The following PHACTR3 variants were observed in gnomAD, a reference collection of about 807,000 sequenced individuals.
PHACTR3 encodes the protein protein phosphatase 1, regulatory subunit 123.
PHACTR3 carries 16 observed loss-of-function variants against 66.8 expected under a neutral mutation model. The observed-to-expected ratio is 0.24, with a 90% CI of 0.16 to 0.36. The LOEUF (loss-of-function observed/expected upper bound fraction) is 0.36. Ranked by LOEUF, PHACTR3 falls within the 10% of genes least tolerant of loss-of-function variation. The probability of loss-of-function intolerance (pLI) is 1.00; values close to 1 mark genes in which losing one functional copy is unlikely to be tolerated. For synonymous variants in PHACTR3, 323 were observed against 292.1 expected (o/e 1.11, Z -1.08); for missense variants, 647 against 719.9 (o/e 0.90, Z 1.16).
At chr20:59,793,286 C>T (rs1206557869) in intron 7 of PHACTR3, among the ~76,000 whole-genome samples, 1 of 152,102 alleles carries the variant, frequency 6.6e-6, no homozygotes, top group Non-Finnish European at 1.5e-5. Context: ...GGCTCCATAC[C>T]AATTTTAGAT....
chr20:59,684,192 A>T (rs1175890071), intron 1 of PHACTR3, among the ~76,000 whole-genome samples: 1 of 152,182 alleles, frequency 6.6e-6, no homozygotes, highest in African/African-American at 2.4e-5. Flanking sequence ...TGGGGCTCAT[A>T]TCTTTTAAAT....
upstream of PHACTR3, chr20:59,603,944 C>G (rs2033562346): frequency 6.6e-6 from 1 of 152,296 alleles, no homozygotes; most frequent in African/African-American, 2.4e-5. Flanking sequence ...GAGGACACCT[C>G]TGTGAGTGGC....
intron 8 of PHACTR3, among the ~76,000 whole-genome samples, chr20:59,834,505 TC>T (rs1369689212): frequency 6.6e-6 from 1 of 152,196 alleles, no homozygotes; most frequent in Non-Finnish European, 1.5e-5. Flanking sequence ...TAATTCCTTC[TC>T]CAAGACCCTT....
At chr20:59,617,939 A>G (rs1314511392) in intron 1 of PHACTR3, among the ~76,000 whole-genome samples, 2 of 152,110 alleles carry the variant, frequency 1.3e-5, no homozygotes, top group Non-Finnish European at 2.9e-5. Context: ...CTGGTGAGTG[A>G]TGGGCTTGGA....
chr20:59,647,593 C>T, intron 1 of PHACTR3, among the ~76,000 whole-genome samples: 1 of 152,134 alleles, frequency 6.6e-6, no homozygotes, highest in South Asian at 2.1e-4. Flanking sequence ...CACATCTTTT[C>T]TGTTGATCCC....
At chr20:59,614,814 G>A (rs2033975620) in intron 1 of PHACTR3, among the ~76,000 whole-genome samples, 1 of 152,222 alleles carries the variant, frequency 6.6e-6, no homozygotes. Context: ...AAGTCAGGAA[G>A]ATATGCCAAA....
rs2038938916 is a variant in PHACTR3, at chr20:59,736,243, G to T, written c.119-6864G>T. 6.6e-6 allele frequency among the ~76,000 whole-genome samples: 1 copy of T among 152,160 alleles called. No homozygotes were observed. The highest frequency in any genetic ancestry group is 2.4e-5 in the African/African-American group (1 of 41,448). ...ATTAACCTCTAATGCCTCAGAGGTG[G>T]CAGAGGTGCAGTGGAACCTGGCACT... On this transcript the variant is annotated intron_variant, in intron 1 of 12. Coordinates refer to ENST00000371015, the MANE Select transcript of PHACTR3 (RefSeq NM_080672.5). The surrounding 1 kb of genome is among the most constrained non-coding windows in gnomAD (Gnocchi z 4.6).
chr20:59,716,808 C>A (rs921268260), intron 1 of PHACTR3, among the ~76,000 whole-genome samples: 3 of 152,176 alleles, frequency 2.0e-5, no homozygotes, highest in Non-Finnish European at 4.4e-5. Context: ...TACTCTTGTG[C>A]CCAATGCAAA....
chr20:59,708,636 G>A (rs971694868), intron 1 of PHACTR3, among the ~76,000 whole-genome samples: 1 of 152,170 alleles, frequency 6.6e-6, no homozygotes, highest in Admixed American at 6.5e-5. Flanking sequence ...CCTGCTTCAT[G>A]GGAGACAGCC....
chr20:59,753,465 C>G (rs116155871), intron 3 of PHACTR3, among the ~76,000 whole-genome samples: 11 of 152,294 alleles, frequency 7.2e-5, no homozygotes, highest in Middle Eastern at 3.4e-3. Context: ...GTGGTGAGGA[C>G]TCTGGAGGGA....
intron 1 of PHACTR3, among the ~76,000 whole-genome samples, chr20:59,651,434 C>T: frequency 6.6e-6 from 1 of 152,132 alleles, no homozygotes; most frequent in Non-Finnish European, 1.5e-5. Context: ...AAAATTAAAG[C>T]ATCATGTTAT....
intron 1 of PHACTR3, among the ~76,000 whole-genome samples, chr20:59,622,402 G>C (rs901942246): frequency 2.0e-5 from 3 of 152,174 alleles, no homozygotes; most frequent in African/African-American, 7.2e-5. Context: ...GGGTGGGTAT[G>C]AGTTCCAGAT....
chr20:59,623,249 G>T (rs565320541), intron 1 of PHACTR3, among the ~76,000 whole-genome samples: 1 of 152,148 alleles, frequency 6.6e-6, no homozygotes, highest in East Asian at 1.9e-4. Context: ...GGCTCCGCAT[G>T]GATCAGGCTT....
chr20:59,776,204 G>T (rs1029659848), intron 7 of PHACTR3, among the ~76,000 whole-genome samples: 1 of 152,184 alleles, frequency 6.6e-6, no homozygotes, highest in African/African-American at 2.4e-5. Context: ...TTGTGTCCGG[G>T]ATGCTGGTCT....
At chr20:59,778,407 C>T (rs1415388488) in intron 7 of PHACTR3, among the ~76,000 whole-genome samples, 1 of 152,174 alleles carries the variant, frequency 6.6e-6, no homozygotes, top group African/African-American at 2.4e-5. Flanking sequence ...GTCCTCACAC[C>T]CCAACCACAG....
chr20:59,667,873 T>C (rs1032108427), intron 1 of PHACTR3, among the ~76,000 whole-genome samples: 7 of 152,174 alleles, frequency 4.6e-5, no homozygotes, highest in African/African-American at 1.7e-4. Context: ...TGCTTCCGAG[T>C]TAAAACCTCC....
rs201340596 is a variant in PHACTR3, at chr20:59,841,559, G to C, written c.1587+24G>C. The C allele has an allele frequency of 1.7e-4, 280 of 1,605,262 alleles. No homozygotes were observed. In the African/African-American group the frequency reaches 3.4e-3, roughly 20 times the overall value. On this transcript the variant is annotated intron_variant, in intron 11 of 12. Coordinates refer to ENST00000371015, the MANE Select transcript of PHACTR3 (RefSeq NM_080672.5). ...AGGTACCTAACTGCCTGTGCTGGTGGGGGGTGTTGGATGATATAATAAAGG... is the reference window on the plus strand; with the variant it reads ...AGGTACCTAACTGCCTGTGCTGGTGCGGGGTGTTGGATGATATAATAAAGG...
rs187019490 is a variant in PHACTR3, at chr20:59,704,494, T to A, written c.119-38613T>A. 8.6e-5 allele frequency among the ~76,000 whole-genome samples: 13 copies of A among 152,038 alleles called. No individual in the cohort carries two copies. The East Asian group carries it at 2.5e-3, about 29-fold the overall frequency. ...CACTTCAGCTCATGGGAAATGCATT[T>A]GAATGTGAGGTGTAGCTTCCTGATC... On this transcript the variant is annotated intron_variant, in intron 1 of 12. Transcript: ENST00000371015.
intron 7 of PHACTR3, among the ~76,000 whole-genome samples, chr20:59,794,521 T>C (rs895973609): frequency 1.3e-5 from 2 of 152,190 alleles, no homozygotes; most frequent in African/African-American, 4.8e-5. Flanking sequence ...TTTGTGTCCT[T>C]ATCTGGTCTT....
Sources: gnomAD v4.1 joint callset for allele counts (sites outside exome capture counted in the v4.1 genomes callset) on GRCh38, gnomAD v4.1.1 for gene constraint, Gnocchi (gnomAD v3.1) non-coding constraint, MANE v1.5 for transcripts, NCBI Gene and HGNC (gene_info 2026-07-23, HGNC 2026-07-21) for gene names.